The following GAS7 variants were observed in gnomAD, a reference collection of about 807,000 sequenced individuals.
GAS7 encodes growth arrest-specific protein 7.
GAS7 carries 28 observed loss-of-function variants against 71.1 expected under a neutral mutation model. The observed-to-expected ratio is 0.39, with a 90% CI of 0.29 to 0.54. GAS7 has a LOEUF of 0.54. GAS7 is among the 20% of genes least tolerant of loss of function. The probability of loss-of-function intolerance (pLI) is 0.62; values close to 1 mark genes in which losing one functional copy is unlikely to be tolerated. For synonymous variants in GAS7, 258 were observed against 245.8 expected (o/e 1.05, Z -0.46); for missense variants, 436 against 627.8 (o/e 0.69, Z 3.27).
At chr17:10,043,382 G>C (rs1156544377) in intron 1 of GAS7, among the ~76,000 whole-genome samples, 1 of 152,086 alleles carries the variant, frequency 6.6e-6, no homozygotes, top group Admixed American at 6.5e-5. Context: ...GATACAAGAA[G>C]AAATAAGTAC....
intron 1 of GAS7, among the ~76,000 whole-genome samples, chr17:10,110,327 A>G (rs892702655): frequency 6.6e-6 from 1 of 152,218 alleles, no homozygotes; most frequent in African/African-American, 2.4e-5. Flanking sequence ...TCTCACTGAT[A>G]TGTAGGAGCT....
In GAS7 at chr17:9,910,732, A is replaced by AG. The variant is rs1372353450; in HGVS notation, c.*6495dup. On this transcript the variant is annotated 3_prime_UTR_variant, in exon 14 of 14. Transcript: ENST00000432992. ...ACACACAAATGCGGTAACAGGGGTC[A>AG]GGGGGGTGGTGCGGGGGCAGGTGGG... 5.2e-6 allele frequency: 1 copy of AG among 190,548 alleles called. No individual in the cohort carries two copies. The highest frequency in any genetic ancestry group is 1.0e-4 in the East Asian group (1 of 9,588). The allele number at this position is 190,548 out of a possible 1,614,324, so 11.8% of individuals were successfully genotyped here.
rs116534505 is a variant in GAS7, at chr17:10,020,960, C to T, written c.184-1063G>A. ...AAAACAAACAAACAAAAAACAGCCA[C>T]GATCCCTGGGTGCTGGGATTACAGG... On this transcript the variant is annotated intron_variant, in intron 1 of 13. Transcript: ENST00000432992. Among the ~76,000 whole-genome samples, 632 of 152,112 alleles carry T rather than the reference C, an allele frequency of 4.2e-3. 2 individuals are homozygous for T. Among genetic ancestry groups the T allele is most frequent in the African/African-American group, 0.014 (598 of 41,510 alleles).
chr17:10,087,595 T>C (rs967223895), intron 1 of GAS7, among the ~76,000 whole-genome samples: 2 of 152,108 alleles, frequency 1.3e-5, no homozygotes, highest in Non-Finnish European at 2.9e-5. Context: ...CAAGCCTTCC[T>C]TACCACAGGG....
chr17:9,986,935 G>A (rs546185272), intron 2 of GAS7, among the ~76,000 whole-genome samples: 1 of 152,202 alleles, frequency 6.6e-6, no homozygotes, highest in Non-Finnish European at 1.5e-5. Context: ...CTGGGGCTCT[G>A]GCTGGGTGAC....
chr17:9,949,080 G>A (rs562887132), intron 5 of GAS7, among the ~76,000 whole-genome samples: 1 of 152,200 alleles, frequency 6.6e-6, no homozygotes, highest in African/African-American at 2.4e-5. Flanking sequence ...GGACAGGAGG[G>A]CGGACAGCGT....
In GAS7 at chr17:9,919,516, C is replaced by A. The variant is rs2067716519; in HGVS notation, c.1218+110G>T. On this transcript the variant is annotated intron_variant, in intron 12 of 13. Coordinates refer to ENST00000432992, the MANE Select transcript of GAS7 (RefSeq NM_201433.2). This position sits in a 1 kb window ranked among gnomAD's most constrained non-coding sequence, Gnocchi z 5.0. ...CCCAACACTGAAGTAGATTTGATGA[C>A]CATCTCCAGGGTCACTCCACCCCAT... is the stretch of plus-strand genomic sequence containing the variant. 5 of 812,652 alleles carry A rather than the reference C, an allele frequency of 6.2e-6. No homozygotes were observed. Among genetic ancestry groups the A allele is most frequent in the Admixed American group, 5.3e-5 (3 of 56,402 alleles). The allele number at this position is 812,652 out of a possible 1,614,324, so 50.3% of individuals were successfully genotyped here.
Position 9,940,166 on chromosome 17 carries a change from C to A in GAS7, c.766G>T (p.Ala256Ser). 3 of 1,612,840 alleles carry A rather than the reference C, an allele frequency of 1.9e-6. No individual in the cohort carries two copies. The highest frequency in any genetic ancestry group is 1.7e-6 in the Non-Finnish European group (2 of 1,178,770). The change falls in exon 8 of 14, where the codon GCT (alanine) becomes TCT (serine). Residue 256 changes from alanine (A) to serine (S), a missense_variant. Ala to Ser is a moderately conservative substitution (Grantham distance 99). Coordinates refer to ENST00000432992, the MANE Select transcript of GAS7 (RefSeq NM_201433.2). ...KIEEDYAKNL[A>S]KLSQNSLASQ... ...GCCAAGGAGTTCTGAGAGAGCTTAG[C>A]TAAGTTCTTCGCATAGTCTTCTTCA... is the stretch of plus-strand genomic sequence containing the variant.
intron 1 of GAS7, 40 bp downstream of exon 1, chr17:10,198,168 C>CGCAGCCCCGGCTCCT: frequency 1.3e-6 from 2 of 1,584,192 alleles, no homozygotes; most frequent in Non-Finnish European, 1.7e-6. Flanking sequence ...CACCGAGGAC[C>CGCAGCCCCGGCTCCT]GCAGCCCCGG....
rs1242569480 is a variant in GAS7, at chr17:10,027,412, T to C, written c.184-7515A>G. Among the ~76,000 whole-genome samples the C allele has an allele frequency of 8.5e-5, 13 of 152,336 alleles. No individual in the cohort carries two copies. The South Asian group carries it at 2.5e-3, about 29-fold the overall frequency. ...CAAATCCCAGCTCTTAATGGATCTA[T>C]TGAATGGACTCTGCTATGGTTTGAA... On this transcript the variant is annotated intron_variant, in intron 1 of 13. Coordinates refer to ENST00000432992, the MANE Select transcript of GAS7 (RefSeq NM_201433.2).
chr17:9,965,133 A>G (rs2069653447), intron 4 of GAS7, among the ~76,000 whole-genome samples: 1 of 152,218 alleles, frequency 6.6e-6, no homozygotes, highest in South Asian at 2.1e-4. Flanking sequence ...CCTTTGATCT[A>G]GAACCGGAAA....
chr17:10,021,009 C>T (rs1208462004), intron 1 of GAS7, among the ~76,000 whole-genome samples: 1 of 152,178 alleles, frequency 6.6e-6, no homozygotes, highest in East Asian at 1.9e-4. Flanking sequence ...CTCCTTTCTA[C>T]ATATCTGTTC....
intron 1 of GAS7, among the ~76,000 whole-genome samples, chr17:10,132,371 A>C (rs1472647521): frequency 2.0e-5 from 3 of 151,814 alleles, no homozygotes; most frequent in African/African-American, 7.3e-5. Context: ...TCACCCCACC[A>C]CCCTACGTGC....
At chr17:10,030,238 A>T (rs1485767164) in intron 1 of GAS7, among the ~76,000 whole-genome samples, 1 of 152,114 alleles carries the variant, frequency 6.6e-6, no homozygotes, top group Non-Finnish European at 1.5e-5. Flanking sequence ...TTCCAGGGGG[A>T]ATCCTGAGCC....
intron 11 of GAS7, among the ~76,000 whole-genome samples, chr17:9,925,088 T>C (rs2067948114): frequency 6.6e-6 from 1 of 152,188 alleles, no homozygotes; most frequent in African/African-American, 2.4e-5. Flanking sequence ...GTGAGCTGTG[T>C]GCTTCTGTGG....
chr17:9,958,332 G>C (rs1391245252), intron 5 of GAS7, among the ~76,000 whole-genome samples: 2 of 152,216 alleles, frequency 1.3e-5, no homozygotes, highest in African/African-American at 4.8e-5. Flanking sequence ...AAAAGTTGCA[G>C]CAATTGTTAT....
intron 1 of GAS7, among the ~76,000 whole-genome samples, chr17:10,028,277 G>A (rs940407294): frequency 1.3e-5 from 2 of 152,074 alleles, no homozygotes; most frequent in South Asian, 2.1e-4. Flanking sequence ...GAGAGGCTGA[G>A]GGGGGAGGAC....
Position 10,026,183 on chromosome 17 carries a change from T to TG in GAS7, c.184-6287dup. On this transcript the variant is annotated intron_variant, in intron 1 of 13. Coordinates refer to ENST00000432992, the MANE Select transcript of GAS7 (RefSeq NM_201433.2). The surrounding 1 kb of genome is among the most constrained non-coding windows in gnomAD (Gnocchi z 4.5). ...AAAGCCGTGAGCAAACGCTACTCGC[T>TG]GGTGTTAATGGGTGGTCGTCAGACA... is the stretch of plus-strand genomic sequence containing the variant. 1.0e-6 allele frequency: 1 copy of TG among 985,404 alleles called. No homozygotes were observed. Among genetic ancestry groups the TG allele is most frequent in the Non-Finnish European group, 1.2e-6 (1 of 829,948 alleles). The allele number at this position is 985,404 out of a possible 1,614,324, so 61.0% of individuals were successfully genotyped here.
chr17:10,144,981 A>G (rs928105825), intron 1 of GAS7, among the ~76,000 whole-genome samples: 13 of 152,266 alleles, frequency 8.5e-5, no homozygotes, highest in African/African-American at 2.9e-4. Context: ...AACCATAATC[A>G]GAGACAGGCA....
Sources: gnomAD v4.1 joint callset for allele counts (sites outside exome capture counted in the v4.1 genomes callset) on GRCh38, gnomAD v4.1.1 for gene constraint, Gnocchi (gnomAD v3.1) non-coding constraint, MANE v1.5 for transcripts, NCBI Gene and HGNC (gene_info 2026-07-23, HGNC 2026-07-21) for gene names.